The following TCF20 variants were observed in gnomAD, a reference collection of about 807,000 sequenced individuals.
TCF20 encodes the protein SPRE-binding protein.
A neutral mutation model predicts 148.6 loss-of-function variants in TCF20; 3 were observed. The ratio of observed to expected loss-of-function variants is 0.02; its 90% CI spans 0.01 to 0.05. The LOEUF (loss-of-function observed/expected upper bound fraction) is 0.05, where lower values mean the gene tolerates loss of function less well. TCF20 is among the 10% of genes least tolerant of loss of function. The pLI, the probability that TCF20 is intolerant of heterozygous loss-of-function variation, is 1.00. For missense variants in TCF20, 2,350 were observed against 2,429.3 expected (o/e 0.97, Z 0.69); for synonymous variants, 1,049 against 909.5 (o/e 1.15, Z -2.76).
At chr22:42,286,292 C>T (rs574566316), upstream of TCF20, among the ~76,000 whole-genome samples, 1 of 152,262 alleles carries the variant, frequency 6.6e-6, no homozygotes, top group Admixed American at 6.5e-5. Context: ...AGAAATACGC[C>T]CTGAGGAACC....
chr22:42,273,311 G>C (rs1023782370), upstream of TCF20, among the ~76,000 whole-genome samples: 4 of 128,062 alleles, frequency 3.1e-5, no homozygotes, highest in African/African-American at 1.2e-4. Flanking sequence ...AGTTAGCTGA[G>C]ATTGTGCTGT....
chr22:42,165,856 G>A (rs970236070), intron 5 of TCF20, among the ~76,000 whole-genome samples: 4 of 152,240 alleles, frequency 2.6e-5, no homozygotes, highest in African/African-American at 9.6e-5. Context: ...GAGACATGGA[G>A]TAGTCTGATC....
At position 42,211,030 on chromosome 22, in the gene TCF20, C is replaced by T. The variant is rs774172466; in HGVS notation, c.4276G>A (p.Val1426Ile). Residue 1426 changes from valine (V) to isoleucine (I), a missense_variant, in exon 2 of 6, where the codon GTA becomes ATA. Val to Ile is a conservative substitution (Grantham distance 29). Coordinates refer to ENST00000677622, the MANE Select transcript of TCF20 (RefSeq NM_001378418.1). ...LVSPANQELH[V>I]EKPLPRSSEE... ...GAAGACCTTGGAAGAGGTTTCTCTA[C>T]GTGCAACTCCTGGTTTGCTGGACTG... 48 of 1,614,054 alleles carry T rather than the reference C, an allele frequency of 3.0e-5. No homozygotes were observed. The highest frequency in any genetic ancestry group is 4.5e-5 in the East Asian group (2 of 44,898).
upstream of TCF20, among the ~76,000 whole-genome samples, chr22:42,284,244 T>G (rs1032324695): frequency 2.0e-5 from 3 of 152,212 alleles, no homozygotes; most frequent in African/African-American, 7.2e-5. Context: ...ATGTCTTATC[T>G]CTATAGATAG....
At chr22:42,243,904 C>T (rs1325747375) in intron 1 of TCF20, among the ~76,000 whole-genome samples, 1 of 152,034 alleles carries the variant, frequency 6.6e-6, no homozygotes, top group Non-Finnish European at 1.5e-5. Flanking sequence ...GGAAAGAAAA[C>T]AAAAAATTAC....
At position 42,213,291 on chromosome 22, in the gene TCF20, T is replaced by A. The variant is rs1471679281; in HGVS notation, c.2015A>T (p.Asn672Ile). The change falls in exon 2 of 6, where the codon AAC becomes ATC. Residue 672 changes from asparagine (N) to isoleucine (I), a missense_variant. Physicochemically the swap from Asn to Ile is moderately radical, Grantham distance 149 (BLOSUM62 -3). Coordinates refer to ENST00000677622, the MANE Select transcript of TCF20 (RefSeq NM_001378418.1). ...ATTTCCTTCTCCATTATGGTTGGAG[T>A]TGTTATCGCCATTCTTGTTTCCTTT... Reference protein sequence around the residue: ...GSKGNKNGDNNSNHNGEGNGQ... With the variant: ...GSKGNKNGDNISNHNGEGNGQ... 6.2e-7 allele frequency: 1 copy of A among 1,613,806 alleles called. No individual in the cohort carries two copies. The highest frequency in any genetic ancestry group is 8.5e-7 in the Non-Finnish European group (1 of 1,179,978).
intron 1 of TCF20, among the ~76,000 whole-genome samples, chr22:42,307,333 C>A (rs1927453784): frequency 6.6e-6 from 1 of 152,228 alleles, no homozygotes; most frequent in Non-Finnish European, 1.5e-5. Flanking sequence ...CCCTGCCTTC[C>A]ATCTGCACTT....
intron 1 of TCF20, among the ~76,000 whole-genome samples, chr22:42,267,173 A>C (rs1926331537): frequency 6.6e-6 from 1 of 152,052 alleles, no homozygotes; most frequent in South Asian, 2.1e-4. Context: ...AGGCTGAGGC[A>C]GGAGACTCGC....
rs751336707 is a variant in TCF20 at position 42,212,790 on chromosome 22, T to G, written c.2516A>C (p.Tyr839Ser). 1 of 1,614,224 alleles carries G rather than the reference T, an allele frequency of 6.2e-7. No individual in the cohort carries two copies. Among genetic ancestry groups the G allele is most frequent in the South Asian group, 1.1e-5 (1 of 91,082 alleles). The change falls in exon 2 of 6, where the codon TAT becomes TCT. Residue 839 changes from tyrosine (Y) to serine (S), a missense_variant. By Grantham distance (144) the Tyr-to-Ser change is moderately radical. Transcript: ENST00000677622. Reference sequence around the variant, plus strand: ...TATTTCAAACTTTCTGGGAATTGGATAGTCAGTCAAATTGATCTGTTTCAT... The same window carrying G: ...TATTTCAAACTTTCTGGGAATTGGAGAGTCAGTCAAATTGATCTGTTTCAT... ...PEMKQINLTD[Y>S]PIPRKFEIEP...
chr22:42,229,582 G>A (rs903466154), intron 1 of TCF20, among the ~76,000 whole-genome samples: 2 of 152,092 alleles, frequency 1.3e-5, no homozygotes, highest in African/African-American at 2.4e-5. Flanking sequence ...GATAGGGTGC[G>A]TAACAACAGG....
At chr22:42,262,758 C>T (rs910172941) in intron 1 of TCF20, among the ~76,000 whole-genome samples, 2 of 152,046 alleles carry the variant, frequency 1.3e-5, no homozygotes, top group African/African-American at 4.8e-5. Flanking sequence ...TACATGGTCC[C>T]GCTCTGAGAA....
At position 42,214,815 on chromosome 22, in the gene TCF20, C is replaced by T; in HGVS notation, c.491G>A (p.Ser164Asn). 6.2e-7 allele frequency: 1 copy of T among 1,614,104 alleles called. No homozygotes were observed. The change falls in exon 2 of 6, where the codon AGT becomes AAT. Residue 164 changes from serine to asparagine, a missense_variant. By Grantham distance (46) the Ser-to-Asn change is conservative. Transcript: ENST00000677622. ...QDYTGPFSPG[S>N]AQYQQQASSQ... ...GGAAGCCTGCTGTTGGTACTGAGCA[C>T]TCCCTGGAGAGAAAGGCCCAGTGTA...
chr22:42,228,216 G>C (rs1923083194), intron 1 of TCF20, among the ~76,000 whole-genome samples: 1 of 152,204 alleles, frequency 6.6e-6, no homozygotes, highest in Non-Finnish European at 1.5e-5. Context: ...GACGTTGGCT[G>C]CATGGGTGAA....
intron 2 of TCF20, among the ~76,000 whole-genome samples, chr22:42,202,573 G>A (rs573836384): frequency 6.6e-6 from 1 of 152,188 alleles, no homozygotes; most frequent in Admixed American, 6.5e-5. Context: ...AGGACCTTCC[G>A]GGGCAAGTGT....
rs1010466310 is a variant in TCF20, at chr22:42,329,322, C to T, written c.-37+14157G>A. ...ATCCGCCCAGCTGTGGGGGTGAGCA[C>T]CTGGCGAGACTGGCGCCCAGCCTGA... On this transcript the variant is annotated intron_variant, in intron 1 of 1. Coordinates refer to the TCF20 transcript ENST00000515426. Among the ~76,000 whole-genome samples, 19 of 152,242 alleles carry T rather than the reference C, an allele frequency of 1.2e-4. No homozygotes were observed. In the East Asian group the frequency reaches 3.3e-3, roughly 26 times the overall value.
chr22:42,199,620 G>C (rs1439789060), intron 2 of TCF20, among the ~76,000 whole-genome samples: 1 of 138,304 alleles, frequency 7.2e-6, no homozygotes, highest in African/African-American at 2.8e-5. Flanking sequence ...CTGTAATCCC[G>C]ACACTTTGGG....
upstream of TCF20, among the ~76,000 whole-genome samples, chr22:42,285,631 TTTA>T (rs1927016212): frequency 6.6e-6 from 1 of 152,064 alleles, no homozygotes; most frequent in African/African-American, 2.4e-5. The surrounding 1 kb of genome is among the most constrained non-coding windows in gnomAD (Gnocchi z 4.2). Flanking sequence ...TTTATTTTAT[TTTA>T]TTATTATTTT....
chr22:42,303,944 GA>G (rs2147035866), intron 1 of TCF20, among the ~76,000 whole-genome samples: 1 of 152,082 alleles, frequency 6.6e-6, no homozygotes, highest in African/African-American at 2.4e-5. Context: ...GGAGGCAGGA[GA>G]AAGAGTGAAG....
chr22:42,172,060 T>C (rs1936163782), intron 3 of TCF20, among the ~76,000 whole-genome samples: 1 of 152,212 alleles, frequency 6.6e-6, no homozygotes, highest in Non-Finnish European at 1.5e-5. Flanking sequence ...AACTTGAAAC[T>C]AATGCCAGAT....
Sources: gnomAD v4.1 joint callset for allele counts (sites outside exome capture counted in the v4.1 genomes callset) on GRCh38, gnomAD v4.1.1 for gene constraint, Gnocchi (gnomAD v3.1) non-coding constraint, MANE v1.5 for transcripts, NCBI Gene and HGNC (gene_info 2026-07-23, HGNC 2026-07-21) for gene names.